BEND3: variants seen among roughly 807,000 people sequenced by gnomAD.
BEND3 encodes BEN domain containing 3.
Under a neutral mutation model 60.1 loss-of-function variants are expected in BEND3, and 13 were observed. The observed-to-expected ratio is 0.22, with a 90% CI of 0.14 to 0.34. The LOEUF (loss-of-function observed/expected upper bound fraction) is 0.34. Among genes scored for constraint, BEND3 ranks in the 10% least tolerant of loss-of-function variants. BEND3 has a pLI of 1.00. For missense variants in BEND3, 896 were observed against 1,138.1 expected, an observed-to-expected ratio of 0.79 and a Z score of 3.06; for synonymous variants, 497 against 491.5, an observed-to-expected ratio of 1.01 and a Z score of -0.15.
rs781792490 is a variant in BEND3 at position 107,070,754 on chromosome 6, G to A, written c.437C>T (p.Ser146Leu). 34 of 1,613,932 alleles carry A rather than the reference G, an allele frequency of 2.1e-5. No individual in the cohort carries two copies. Among genetic ancestry groups the A allele is most frequent in the South Asian group, 7.7e-5 (7 of 91,084 alleles). The change falls in exon 4 of 4, where the codon TCG becomes TTG. Residue 146 changes from serine to leucine, a missense_variant. This residue lies in a region of BEND3 where 846 missense variants were observed against 1,036.7 expected (regional missense o/e 0.82). Coordinates refer to ENST00000369042, the MANE Select transcript of BEND3 (RefSeq NM_001367314.1). The surrounding 1 kb of genome is among the most constrained non-coding windows in gnomAD (Gnocchi z 6.9). ...CTCGTACACGTTTAGCAGGTCCCCCGAGGGAGGATTCTTCTTCTCCATGAT... is the reference window on the plus strand; with the variant it reads ...CTCGTACACGTTTAGCAGGTCCCCCAAGGGAGGATTCTTCTTCTCCATGAT... Reference protein sequence around the residue: ...HKIMEKKNPPSGDLLNVYELF... With the variant: ...HKIMEKKNPPLGDLLNVYELF...
At chr6:107,107,063 A>G (rs1259849869) in intron 1 of BEND3, among the ~76,000 whole-genome samples, 1 of 151,672 alleles carries the variant, frequency 6.6e-6, no homozygotes, top group Admixed American at 6.6e-5. Context: ...CAGCCTCCCA[A>G]GTATCTGGGA....
intron 1 of BEND3, among the ~76,000 whole-genome samples, chr6:107,107,327 G>T (rs1012324790): frequency 3.3e-5 from 5 of 151,468 alleles, no homozygotes; most frequent in African/African-American, 4.9e-5. Flanking sequence ...TGTAATAGGA[G>T]CTGGACACAT....
intron 1 of BEND3, among the ~76,000 whole-genome samples, chr6:107,112,451 T>C (rs1003495536): frequency 6.6e-6 from 1 of 152,174 alleles, no homozygotes; most frequent in Non-Finnish European, 1.5e-5. Flanking sequence ...TGCCAGTTCC[T>C]AACCAGCCTA....
intron 3 of BEND3, among the ~76,000 whole-genome samples, chr6:107,078,973 C>T (rs935353496): frequency 5.3e-5 from 8 of 151,982 alleles, no homozygotes; most frequent in South Asian, 2.1e-4. Context: ...CCCTGGCCTG[C>T]CACGCCCCCA....
rs141966357 is a variant in BEND3, at chr6:107,111,248, C to T, written c.-12+3842G>A. Among the ~76,000 whole-genome samples the T allele has an allele frequency of 2.3e-3, 343 of 152,142 alleles. 3 individuals carry two copies. Among genetic ancestry groups the T allele is most frequent in the Admixed American group, 0.017 (265 of 15,270 alleles). The stretch of plus-strand genomic sequence containing the variant: ...CATGTAGGCTAGGCGTGGTGGCTCA[C>T]GCCTGTAATCTCAGCACTTCGGGAG... On this transcript the variant is annotated intron_variant, in intron 1 of 3. Transcript: ENST00000369042.
chr6:107,077,360 G>C (rs1775121865), intron 3 of BEND3, among the ~76,000 whole-genome samples: 1 of 152,098 alleles, frequency 6.6e-6, no homozygotes, highest in Admixed American at 6.6e-5. Context: ...ATCAGCAGGG[G>C]AGTTCTGACC....
intron 3 of BEND3, among the ~76,000 whole-genome samples, chr6:107,087,023 TAAAAA>T (rs58435912): frequency 1.2e-5 from 1 of 80,836 alleles, no homozygotes; most frequent in Non-Finnish European, 2.4e-5. Context: ...AGACTCTGTC[TAAAAA>T]AAAAAAAAAA....
At chr6:107,098,334 C>T (rs1056253346) in intron 3 of BEND3, among the ~76,000 whole-genome samples, 31 of 152,192 alleles carry the variant, frequency 2.0e-4, no homozygotes, top group Admixed American at 4.6e-4. Flanking sequence ...AATGTGAAGG[C>T]TCCCTTTACC....
At chr6:107,114,499 C>T (rs1445337333) in intron 1 of BEND3, 1 of 151,674 alleles carries the variant, frequency 6.6e-6, no homozygotes, top group African/African-American at 2.4e-5. Flanking sequence ...CCGGAGGCTT[C>T]GTTCCTCCGA....
chr6:107,098,286 C>T (rs1775629844), intron 3 of BEND3, among the ~76,000 whole-genome samples: 1 of 152,212 alleles, frequency 6.6e-6, no homozygotes, highest in Non-Finnish European at 1.5e-5. Flanking sequence ...TCCTGCTTTC[C>T]CCCACAAAGC....
intron 3 of BEND3, among the ~76,000 whole-genome samples, chr6:107,078,566 T>C (rs369273690): frequency 3.8e-3 from 34 of 8,858 alleles, no homozygotes; most frequent in East Asian, 0.02. Flanking sequence ...GCCATTCTCC[T>C]GCCTCAGCCT....
chr6:107,073,201 G>GTATATATATATATA (rs782669876), intron 3 of BEND3, among the ~76,000 whole-genome samples: 4 of 22,652 alleles, frequency 1.8e-4, no homozygotes, highest in Non-Finnish European at 2.8e-4. Context: ...GTATGTGTAT[G>GTATATATATATATA]TATATATATA....
intron 3 of BEND3, among the ~76,000 whole-genome samples, chr6:107,077,698 T>C (rs574010223): frequency 2.0e-5 from 3 of 152,188 alleles, no homozygotes; most frequent in Admixed American, 2.0e-4. Flanking sequence ...CCCACCAGCA[T>C]GATGTTTGAG....
intron 3 of BEND3, among the ~76,000 whole-genome samples, chr6:107,086,992 T>C: frequency 7.7e-6 from 1 of 130,526 alleles, no homozygotes; most frequent in African/African-American, 3.0e-5. Context: ...GCTGCTATAC[T>C]CCAGTTTGGG....
At chr6:107,076,029 T>C (rs1186608617) in intron 3 of BEND3, among the ~76,000 whole-genome samples, 1 of 152,216 alleles carries the variant, frequency 6.6e-6, no homozygotes, top group Non-Finnish European at 1.5e-5. Flanking sequence ...AAAATGTTAG[T>C]GTCCCAGTAG....
intron 3 of BEND3, among the ~76,000 whole-genome samples, chr6:107,083,496 T>A (rs311225): frequency 6.6e-6 from 1 of 151,678 alleles, no homozygotes; most frequent in Non-Finnish European, 1.5e-5. Flanking sequence ...AATTACCCAG[T>A]TGTGGTGGTG....
At chr6:107,078,844 T>A (rs1477598976) in intron 3 of BEND3, among the ~76,000 whole-genome samples, 3 of 151,616 alleles carry the variant, frequency 2.0e-5, no homozygotes, top group African/African-American at 4.8e-5. Flanking sequence ...GCTATGGAAG[T>A]GCTGGGTAGA....
chr6:107,070,602 G>T lies in BEND3; in HGVS notation c.589C>A (p.Gln197Lys). The T allele has an allele frequency of 6.2e-7, 1 of 1,612,498 alleles. No homozygotes were observed. The highest frequency in any genetic ancestry group is 2.1e-4 in the Middle Eastern group (1 of 4,704). ...GTGTTCAGCATGTAGAACATCTTCT[G>T]GATCAGGAAGTAGATGTTGGGGTCG... is the stretch of plus-strand genomic sequence containing the variant. The part of the protein sequence containing the change: ...DNDPNIYFLI[Q>K]KMFYMLNTLT... The change falls in exon 4 of 4, where the codon CAG (glutamine) becomes AAG (lysine). Residue 197 changes from glutamine to lysine, a missense_variant. By Grantham distance (53) the Gln-to-Lys change is moderately conservative (BLOSUM62 1). Transcript: ENST00000369042. This position sits in a 1 kb window ranked among gnomAD's most constrained non-coding sequence, Gnocchi z 6.9.
Position 107,070,150 on chromosome 6 carries a change from G to A in BEND3, c.1041C>T (p.Asp347=), listed in dbSNP as rs987719261. The A allele has an allele frequency of 1.2e-6, 2 of 1,612,958 alleles. No homozygotes were observed. The highest frequency in any genetic ancestry group is 1.7e-6 in the Non-Finnish European group (2 of 1,179,986). ...SRFWAQREME[D]SQPSGQVASF... is the part of the protein sequence containing the mutation. Reference sequence around the variant, plus strand: ...TGGCGACCTGGCCGCTGGGCTGGCTGTCCTCCATTTCCCGCTGGGCCCAGA... The same window carrying A: ...TGGCGACCTGGCCGCTGGGCTGGCTATCCTCCATTTCCCGCTGGGCCCAGA... Residue 347 remains aspartate (D), a synonymous_variant, in exon 4 of 4, where the codon GAC becomes GAT. Coordinates refer to ENST00000369042, the MANE Select transcript of BEND3 (RefSeq NM_001367314.1). This position sits in a 1 kb window ranked among gnomAD's most constrained non-coding sequence, Gnocchi z 6.9.
Sources: allele counts gnomAD v4.1 joint callset (sites outside exome capture counted in the v4.1 genomes callset), GRCh38; gene constraint gnomAD v4.1.1; regional missense constraint gnomAD v4.1.1; non-coding constraint Gnocchi (gnomAD v3.1); transcripts MANE v1.5; gene names NCBI Gene and HGNC (gene_info 2026-07-23, HGNC 2026-07-21).